Variants in FOXN2 observed in about 807,000 individuals in gnomAD.
The protein encoded by FOXN2 is forkhead box protein N2.
In FOXN2, 19 loss-of-function variants were observed where a neutral mutation model predicts 41.2. That is an observed-to-expected ratio of 0.46 (90% CI 0.32 to 0.68). The LOEUF is 0.68. Among genes scored for constraint, FOXN2 ranks in the 30% least tolerant of loss-of-function variants. The pLI is 0.03. For synonymous variants in FOXN2, 195 were observed against 176.8 expected, an observed-to-expected ratio of 1.10 and a Z score of -0.82; for missense variants, 587 against 509.4, an observed-to-expected ratio of 1.15 and a Z score of -1.47.
chr2:48,359,329 T>C (rs960648262), intron 4 of FOXN2, among the ~76,000 whole-genome samples, 182 bp downstream of exon 4: 5 of 152,228 alleles, frequency 3.3e-5, no homozygotes, highest in Non-Finnish European at 5.9e-5. Flanking sequence ...AGTCTTACTC[T>C]GTCACCTAGG....
chr2:48,377,596 A>G lies in FOXN2; in HGVS notation c.*2153A>G, dbSNP rs555162692. On this transcript the variant is annotated 3_prime_UTR_variant, in exon 7 of 7. Transcript: ENST00000340553. ...GATGTATGTAACAGTAATTCTTTAC[A>G]TCTTTTGATTTTTCTCTTCCTTTTT... is the stretch of plus-strand genomic sequence containing the variant. 5.3e-5 allele frequency: 8 copies of G among 152,152 alleles called. No homozygotes were observed. Among genetic ancestry groups the G allele is most frequent in the African/African-American group, 1.4e-4 (6 of 41,570 alleles). The allele number at this position is 152,152 out of a possible 1,614,324, so 9.4% of individuals were successfully genotyped here.
At chr2:48,356,179 C>T (rs1238185212) in intron 3 of FOXN2, among the ~76,000 whole-genome samples, 3 of 152,252 alleles carry the variant, frequency 2.0e-5, no homozygotes, top group Non-Finnish European at 4.4e-5. Flanking sequence ...TGGTGGCTCA[C>T]GCCTGTAATC....
At position 48,317,459 on chromosome 2, in the gene FOXN2, AAT is replaced by A. The variant is rs555232022; in HGVS notation, c.-157+2646_-157+2647del. ...GCAAAACTCTGTCTCAAAAAAAAAA[AAT>A]TTTTTTTTTGAAGGGTTGAGAACAA... is the stretch of plus-strand genomic sequence containing the variant. On this transcript the variant is annotated intron_variant, in intron 1 of 6. Coordinates refer to ENST00000340553, the MANE Select transcript of FOXN2 (RefSeq NM_002158.4). 3.8e-3 allele frequency among the ~76,000 whole-genome samples: 579 copies of A among 151,716 alleles called. 4 individuals carry two copies. The highest frequency in any genetic ancestry group is 0.013 in the African/African-American group (543 of 41,344).
chr2:48,338,172 A>G (rs920702619), intron 2 of FOXN2, among the ~76,000 whole-genome samples: 2 of 152,186 alleles, frequency 1.3e-5, no homozygotes, highest in African/African-American at 4.8e-5. Flanking sequence ...CCTTTATCAC[A>G]TGGAAACTAA....
intron 4 of FOXN2, among the ~76,000 whole-genome samples, chr2:48,360,937 C>T (rs1460019092): frequency 6.6e-6 from 1 of 150,404 alleles, no homozygotes; most frequent in Non-Finnish European, 1.5e-5. Context: ...TCGTTTGAGC[C>T]TGGGAGGCAG....
Position 48,373,298 on chromosome 2 carries a change from A to T in FOXN2, c.710A>T (p.Asp237Val), listed in dbSNP as rs749650505. The T allele has an allele frequency of 6.3e-7, 1 of 1,590,824 alleles. No individual in the cohort carries two copies. The highest frequency in any genetic ancestry group is 1.1e-5 in the South Asian group (1 of 88,490). ...TTACTTTTTCCCTTTTCAGAATCTG[A>T]TATTGATGCTGCTGCTGCAATGATG... is the stretch of plus-strand genomic sequence containing the variant. ...QNQVRNLKES[D>V]IDAAAAMMLL... The change falls in exon 6 of 7, where the codon GAT becomes GTT. Residue 237 changes from aspartate (D) to valine (V), a missense_variant. Transcript: ENST00000340553.
chr2:48,355,385 T>C (rs889641518), intron 3 of FOXN2, among the ~76,000 whole-genome samples: 1 of 152,014 alleles, frequency 6.6e-6, no homozygotes, highest in Non-Finnish European at 1.5e-5. Context: ...GGGATAAATA[T>C]AGAAATGGTA....
intron 3 of FOXN2, among the ~76,000 whole-genome samples, chr2:48,351,993 G>T (rs984820069): frequency 3.3e-5 from 5 of 152,162 alleles, no homozygotes; most frequent in African/African-American, 1.2e-4. Flanking sequence ...AGAGCAGGGT[G>T]GAAAAGCAGA....
At chr2:48,335,593 A>G (rs541999906) in intron 2 of FOXN2, among the ~76,000 whole-genome samples, 1 of 152,282 alleles carries the variant, frequency 6.6e-6, no homozygotes, top group African/African-American at 2.4e-5. Flanking sequence ...AAGTTCAGTG[A>G]CAGACTATTT....
At chr2:48,339,443 TGAA>T (rs1317509782) in intron 2 of FOXN2, among the ~76,000 whole-genome samples, 2 of 152,166 alleles carry the variant, frequency 1.3e-5, no homozygotes, top group African/African-American at 4.8e-5. Flanking sequence ...TGCCACCATG[TGAA>T]GAAGGACATT....
Position 48,375,125 on chromosome 2 carries a change from G to C in FOXN2, c.978G>C (p.Val326=), listed in dbSNP as rs745761922. 3 of 1,613,948 alleles carry C rather than the reference G, an allele frequency of 1.9e-6. No homozygotes were observed. The Admixed American group carries it at 5.0e-5, about 27-fold the overall frequency. Residue 326 remains valine (V), a synonymous_variant, in exon 7 of 7, where the codon GTG becomes GTC. Transcript: ENST00000340553. ...CTAGCGTGTCTTCCCTGTCTTCTGTGGATGAGGTATATGAATTTATCCCAA... is the reference window on the plus strand; with the variant it reads ...CTAGCGTGTCTTCCCTGTCTTCTGTCGATGAGGTATATGAATTTATCCCAA... ...SRSSVSSLSS[V]DEVYEFIPKN...
intron 3 of FOXN2, among the ~76,000 whole-genome samples, chr2:48,355,694 G>A (rs1436828943): frequency 6.6e-6 from 1 of 152,092 alleles, no homozygotes; most frequent in Admixed American, 6.5e-5. Flanking sequence ...GCACTTTTCT[G>A]ATGAATGGCG....
At chr2:48,336,278 C>T (rs916012770) in intron 2 of FOXN2, among the ~76,000 whole-genome samples, 2 of 151,016 alleles carry the variant, frequency 1.3e-5, no homozygotes, top group Non-Finnish European at 2.9e-5. Flanking sequence ...TGTGGTGGTG[C>T]ACGCCTGTAG....
chr2:48,373,452 T>C (rs1418720734), intron 6 of FOXN2, 92 bp downstream of exon 6: 1 of 719,946 alleles, frequency 1.4e-6, no homozygotes, highest in East Asian at 2.8e-5. Context: ...AAAAATTACT[T>C]CTTTCCAACC....
At chr2:48,364,803 A>G (rs982955691) in intron 5 of FOXN2, among the ~76,000 whole-genome samples, 1 of 152,272 alleles carries the variant, frequency 6.6e-6, no homozygotes, top group Admixed American at 6.5e-5. Flanking sequence ...GTGAAAATTC[A>G]TTGCAACAGA....
chr2:48,325,681 A>T (rs1384299904), intron 1 of FOXN2, among the ~76,000 whole-genome samples: 1 of 152,162 alleles, frequency 6.6e-6, no homozygotes, highest in East Asian at 1.9e-4. Flanking sequence ...AACAAAACAG[A>T]CAACTAGCTC....
intron 3 of FOXN2, among the ~76,000 whole-genome samples, chr2:48,353,256 C>G (rs1439256401): frequency 6.6e-6 from 1 of 152,158 alleles, no homozygotes; most frequent in Admixed American, 6.5e-5. Flanking sequence ...GATCTACCCC[C>G]ACAAGACTAC....
chr2:48,373,653 A>G (rs1010068261), intron 6 of FOXN2, among the ~76,000 whole-genome samples: 1 of 152,186 alleles, frequency 6.6e-6, no homozygotes, highest in African/African-American at 2.4e-5. Flanking sequence ...AGAAAATATA[A>G]TAAGTAAAGT....
intron 2 of FOXN2, among the ~76,000 whole-genome samples, chr2:48,333,537 G>A (rs1408790520): frequency 6.6e-6 from 1 of 152,008 alleles, no homozygotes; most frequent in Non-Finnish European, 1.5e-5. Context: ...TTTGTTGGGG[G>A]GAATCACGAA....
Sources: gnomAD v4.1 joint callset for allele counts (sites outside exome capture counted in the v4.1 genomes callset) on GRCh38, gnomAD v4.1.1 for gene constraint, MANE v1.5 for transcripts, NCBI Gene and HGNC (gene_info 2026-07-23, HGNC 2026-07-21) for gene names.